CABIN1: variants seen among roughly 807,000 people sequenced by gnomAD.
The protein encoded by CABIN1 is calcineurin binding protein 1.
CABIN1 carries 133 observed loss-of-function variants against 227.7 expected under a neutral mutation model. The observed-to-expected ratio is 0.58, with a 90% confidence interval of 0.51 to 0.67. The LOEUF (loss-of-function observed/expected upper bound fraction) is 0.67, where lower values mean the gene tolerates loss of function less well. CABIN1 is among the 30% of genes least tolerant of loss of function. The probability of loss-of-function intolerance (pLI) is 0.00; values close to 1 mark genes in which losing one functional copy is unlikely to be tolerated. For missense variants in CABIN1, 2,408 were observed against 2,852.5 expected (o/e 0.84, Z 3.55); for synonymous variants, 1,086 against 1,155.1 (o/e 0.94, Z 1.21).
intron 29 of CABIN1, among the ~76,000 whole-genome samples, chr22:24,158,908 G>A (rs1360415110): frequency 6.6e-6 from 1 of 152,192 alleles, no homozygotes; most frequent in East Asian, 1.9e-4. Context: ...CACTTTTCCA[G>A]CCCTCTTGGG....
Position 24,095,986 on chromosome 22 carries a change from G to C in CABIN1, c.3842G>C (p.Gly1281Ala), listed in dbSNP as rs1475407012. The C allele has an allele frequency of 3.1e-6, 5 of 1,614,084 alleles. No individual in the cohort carries two copies. Among genetic ancestry groups the C allele is most frequent in the Non-Finnish European group, 4.2e-6 (5 of 1,179,996 alleles). The change falls in exon 25 of 37, where the codon GGG (glycine) becomes GCG (alanine). Residue 1281 changes from glycine (G) to alanine (A), a missense_variant. Gly to Ala is a moderately conservative substitution (Grantham distance 60). Coordinates refer to ENST00000263119, the MANE Select transcript of CABIN1 (RefSeq NM_012295.4). ...ILKLLGKPDS[G>A]VGAEVLVNFM... is the part of the protein sequence containing the mutation. The stretch of plus-strand genomic sequence containing the variant: ...AAGCTCCTGGGGAAGCCCGATTCTG[G>C]GGTTGGTGCAGAGGTCCTGGTCAAC...
chr22:24,115,415 G>A (rs1294799612), intron 27 of CABIN1, among the ~76,000 whole-genome samples: 1 of 152,176 alleles, frequency 6.6e-6, no homozygotes, highest in Non-Finnish European at 1.5e-5. Flanking sequence ...AGAAAGTTAG[G>A]GTAGGACCAA....
chr22:24,071,515 T>C (rs2040084871), intron 17 of CABIN1, among the ~76,000 whole-genome samples: 1 of 152,034 alleles, frequency 6.6e-6, no homozygotes, highest in Non-Finnish European at 1.5e-5. Context: ...CAATTCCCGC[T>C]CAGGCCATCA....
intron 1 of CABIN1, among the ~76,000 whole-genome samples, chr22:24,021,632 G>A (rs2035735069): frequency 6.6e-6 from 1 of 152,086 alleles, no homozygotes; most frequent in African/African-American, 2.4e-5. Context: ...TTGGTTTGAA[G>A]CCTCTAATTT....
intron 27 of CABIN1, 43 bp downstream of exon 27, chr22:24,113,791 C>T: frequency 6.2e-7 from 1 of 1,604,778 alleles, no homozygotes; most frequent in East Asian, 2.2e-5. Context: ...CTTTGATGTC[C>T]TGTGGCAATC....
intron 24 of CABIN1, chr22:24,092,077 A>C: frequency 1.7e-6 from 1 of 599,196 alleles, no homozygotes; most frequent in Non-Finnish European, 2.9e-6. Context: ...TCTCAGAAGA[A>C]AATTGTCTTT....
Position 24,178,284 on chromosome 22 carries a change from C to A in CABIN1, c.*88C>A, listed in dbSNP as rs1445993331. ...GCAGGACCCTGGGCAGGACCAGAGG[C>A]CCACATGGATGCCACTCCCCACACA... On this transcript the variant is annotated 3_prime_UTR_variant, in exon 37 of 37. Transcript: ENST00000263119. 7 of 1,531,294 alleles carry A rather than the reference C, an allele frequency of 4.6e-6. No homozygotes were observed. Among genetic ancestry groups the A allele is most frequent in the Non-Finnish European group, 5.3e-6 (6 of 1,122,482 alleles). The allele number at this position is 1,531,294 out of a possible 1,614,324, so 94.9% of individuals were successfully genotyped here. A position where few individuals can be genotyped will look rare whatever the true frequency, so the allele number is the denominator to read the frequency against.
intron 30 of CABIN1, among the ~76,000 whole-genome samples, chr22:24,165,329 C>T (rs112604708): frequency 2.6e-5 from 4 of 152,306 alleles, no homozygotes; most frequent in Non-Finnish European, 4.4e-5. Context: ...AGGCTGGTGC[C>T]GGGTCAGAGG....
At chr22:24,149,454 G>A (rs945987811) in intron 29 of CABIN1, among the ~76,000 whole-genome samples, 4 of 152,232 alleles carry the variant, frequency 2.6e-5, no homozygotes, top group Non-Finnish European at 5.9e-5. Context: ...TAGGGAAAAG[G>A]ACCATGGATA....
chr22:24,074,729 G>A (rs557574412), intron 18 of CABIN1, among the ~76,000 whole-genome samples: 2 of 152,344 alleles, frequency 1.3e-5, no homozygotes, highest in South Asian at 4.1e-4. Context: ...TTATAAGGAA[G>A]GCGGAGGAAG....
intron 1 of CABIN1, among the ~76,000 whole-genome samples, chr22:24,015,631 A>G (rs1181313830): frequency 6.6e-6 from 1 of 151,826 alleles, no homozygotes; most frequent in East Asian, 2.0e-4. Flanking sequence ...GGCATGAGCC[A>G]CTGCGCCCGG....
intron 26 of CABIN1, among the ~76,000 whole-genome samples, chr22:24,108,489 G>A (rs1037740622): frequency 1.3e-5 from 2 of 152,190 alleles, no homozygotes; most frequent in Non-Finnish European, 2.9e-5. Flanking sequence ...TTTCACAAGC[G>A]TGAGAGAGAG....
rs695681 is a variant in CABIN1, at chr22:24,114,058, T to TTTG, written c.4300+341_4300+343dup. Among the ~76,000 whole-genome samples, 447 of 151,712 alleles carry TTTG rather than the reference T, an allele frequency of 2.9e-3. 1 individual carries two copies. The highest frequency in any genetic ancestry group is 0.012 in the East Asian group (62 of 5,134). ...GTCTGTGATATCAGTGTGCTCTGTT[T>TTTG]TTGTTGTTGTTGTTGTTGTTGTTGT... On this transcript the variant is annotated intron_variant, in intron 27 of 36. Coordinates refer to ENST00000263119, the MANE Select transcript of CABIN1 (RefSeq NM_012295.4).
Position 24,177,356 on chromosome 22 carries a change from C to T in CABIN1, c.6206-148C>T, listed in dbSNP as rs2148842137. 3 of 696,486 alleles carry T rather than the reference C, an allele frequency of 4.3e-6. No individual in the cohort carries two copies. The highest frequency in any genetic ancestry group is 7.0e-6 in the Non-Finnish European group (3 of 430,298). The allele number at this position is 696,486 out of a possible 1,614,324, so 43.1% of individuals were successfully genotyped here. A position where few individuals can be genotyped will look rare whatever the true frequency, so the allele number is the denominator to read the frequency against. The stretch of plus-strand genomic sequence containing the variant: ...CCTGCAGGCCTGAGCCAAGTATTTG[C>T]CCAGGGTAGAAGCCTTGGAGCCTGC... On this transcript the variant is annotated intron_variant, in intron 35 of 36. Transcript: ENST00000263119. This position sits in a 1 kb window ranked among gnomAD's most constrained non-coding sequence, Gnocchi z 4.4.
At chr22:24,169,037 T>G in intron 33 of CABIN1, among the ~76,000 whole-genome samples, 1 of 144,192 alleles carries the variant, frequency 6.9e-6, no homozygotes, top group African/African-American at 2.5e-5. Flanking sequence ...GTAGGGAAGA[T>G]GGGGTTAGTG....
At chr22:24,091,950 C>G in intron 24 of CABIN1, 107 bp downstream of exon 24, 1 of 1,385,526 alleles carries the variant, frequency 7.2e-7, no homozygotes, top group South Asian at 1.3e-5. Context: ...TTCAACCTGC[C>G]GCAAACTTAT....
At chr22:24,116,774 G>C (rs1320466428) in intron 27 of CABIN1, among the ~76,000 whole-genome samples, 2 of 152,216 alleles carry the variant, frequency 1.3e-5, no homozygotes. Flanking sequence ...TCAGTCCAGA[G>C]GCTCAGCTGG....
intron 27 of CABIN1, among the ~76,000 whole-genome samples, chr22:24,116,231 T>G (rs2043078879): frequency 6.6e-6 from 1 of 152,194 alleles, no homozygotes; most frequent in African/African-American, 2.4e-5. Flanking sequence ...GAGTAGAGAT[T>G]TATTTATTTG....
At chr22:24,016,186 T>C (rs929309685) in intron 1 of CABIN1, among the ~76,000 whole-genome samples, 1 of 152,196 alleles carries the variant, frequency 6.6e-6, no homozygotes, top group African/African-American at 2.4e-5. Flanking sequence ...CAACCACAAA[T>C]CCACTTTCTG....
Sources: allele counts gnomAD v4.1 joint callset (sites outside exome capture counted in the v4.1 genomes callset), GRCh38; gene constraint gnomAD v4.1.1; non-coding constraint Gnocchi (gnomAD v3.1); transcripts MANE v1.5; gene names NCBI Gene and HGNC (gene_info 2026-07-23, HGNC 2026-07-21).